CLSTN2: variants seen among roughly 807,000 people sequenced by gnomAD.
CLSTN2 encodes the protein calsyntenin-2.
Under a neutral mutation model 101.2 loss-of-function variants are expected in CLSTN2, and 48 were observed. The observed-to-expected ratio is 0.47, with a 90% CI of 0.38 to 0.60. The LOEUF (loss-of-function observed/expected upper bound fraction) is 0.60, where lower values mean the gene tolerates loss of function less well. Ranked by LOEUF, CLSTN2 falls within the 20% of genes least tolerant of loss-of-function variation. CLSTN2 has a pLI of 0.00. For missense variants in CLSTN2, 1,160 were observed against 1,238.2 expected (o/e 0.94, Z 0.95); for synonymous variants, 481 against 463.6 (o/e 1.04, Z -0.48).
At chr3:140,321,063 A>C (rs1324949390) in intron 2 of CLSTN2, among the ~76,000 whole-genome samples, 1 of 152,186 alleles carries the variant, frequency 6.6e-6, no homozygotes, top group Non-Finnish European at 1.5e-5. Context: ...GTATGGGCTG[A>C]AACTGACGGG....
At chr3:140,557,799 C>T (rs547677125) in intron 11 of CLSTN2, among the ~76,000 whole-genome samples, 4 of 152,334 alleles carry the variant, frequency 2.6e-5, no homozygotes, top group Admixed American at 6.5e-5. Context: ...TTGTAACCTA[C>T]ATCTAGATGA....
chr3:140,012,856 G>A (rs553339174), intron 1 of CLSTN2, among the ~76,000 whole-genome samples: 18 of 152,348 alleles, frequency 1.2e-4, no homozygotes, highest in Admixed American at 8.5e-4. Context: ...GGAAACTGAT[G>A]AGCCTGAAAT....
chr3:140,496,163 T>C (rs1934460566), intron 8 of CLSTN2, among the ~76,000 whole-genome samples: 1 of 152,222 alleles, frequency 6.6e-6, no homozygotes. Context: ...GTAGTTCTCC[T>C]TGAAGAGGTC....
chr3:140,105,273 G>A (rs1302138710), intron 1 of CLSTN2, among the ~76,000 whole-genome samples: 1 of 152,138 alleles, frequency 6.6e-6, no homozygotes, highest in Admixed American at 6.5e-5. Flanking sequence ...CTATGCTTAG[G>A]ACAGACTCTT....
intron 2 of CLSTN2, among the ~76,000 whole-genome samples, chr3:140,232,707 A>G (rs2086380977): frequency 6.6e-6 from 1 of 152,064 alleles, no homozygotes; most frequent in Admixed American, 6.6e-5. Flanking sequence ...TTACCCCCTT[A>G]TTGTATTTAA....
chr3:140,212,650 C>T (rs2010872232), intron 2 of CLSTN2, among the ~76,000 whole-genome samples: 1 of 152,192 alleles, frequency 6.6e-6, no homozygotes, highest in South Asian at 2.1e-4. Context: ...TCTGTATCCT[C>T]CTATATCTCT....
At chr3:140,131,304 GA>G (rs1218035360) in intron 1 of CLSTN2, among the ~76,000 whole-genome samples, 1 of 63,706 alleles carries the variant, frequency 1.6e-5, no homozygotes. Context: ...GTTTCTTTAT[GA>G]TTTTTTTTTA....
chr3:140,440,016 A>C (rs1176709335), intron 5 of CLSTN2, among the ~76,000 whole-genome samples: 1 of 152,262 alleles, frequency 6.6e-6, no homozygotes, highest in Admixed American at 6.5e-5. Context: ...GTGATGTACA[A>C]GTCATGCTCC....
intron 1 of CLSTN2, among the ~76,000 whole-genome samples, chr3:140,084,291 T>G (rs1020093200): frequency 6.6e-6 from 1 of 152,256 alleles, no homozygotes; most frequent in South Asian, 2.1e-4. Flanking sequence ...GGATTCAGGA[T>G]GTGACTATAT....
chr3:140,437,451 ATAT>A (rs1008721658), intron 5 of CLSTN2, among the ~76,000 whole-genome samples: 2 of 152,190 alleles, frequency 1.3e-5, no homozygotes, highest in Admixed American at 6.5e-5. Context: ...CCAGAAGAAA[ATAT>A]TATAATAACA....
At chr3:140,102,397 G>A (rs558696318) in intron 1 of CLSTN2, among the ~76,000 whole-genome samples, 1 of 152,364 alleles carries the variant, frequency 6.6e-6, no homozygotes, top group African/African-American at 2.4e-5. Flanking sequence ...GCAGCCAAAA[G>A]CTTGTGGTCA....
chr3:140,076,426 C>A (rs1052643254), intron 1 of CLSTN2, among the ~76,000 whole-genome samples: 2 of 152,078 alleles, frequency 1.3e-5, no homozygotes, highest in Non-Finnish European at 2.9e-5. Context: ...TCATTTTAGT[C>A]GCCACAAGAA....
At chr3:140,248,540 T>C (rs2086535440) in intron 2 of CLSTN2, among the ~76,000 whole-genome samples, 1 of 152,114 alleles carries the variant, frequency 6.6e-6, no homozygotes, top group African/African-American at 2.4e-5. Flanking sequence ...CTTCCAGCAA[T>C]GTGCACCTAG....
At chr3:140,248,641 C>A (rs2086537280) in intron 2 of CLSTN2, among the ~76,000 whole-genome samples, 1 of 152,204 alleles carries the variant, frequency 6.6e-6, no homozygotes, top group East Asian at 1.9e-4. Context: ...ATAACAGATC[C>A]ACAGGCGTGG....
intron 1 of CLSTN2, among the ~76,000 whole-genome samples, chr3:140,013,353 C>G (rs1482280278): frequency 6.6e-6 from 1 of 152,162 alleles, no homozygotes; most frequent in African/African-American, 2.4e-5. Context: ...CCTGTCCCAG[C>G]CACATGTGGT....
chr3:140,006,615 A>T (rs1172830567), intron 1 of CLSTN2, among the ~76,000 whole-genome samples: 1 of 152,180 alleles, frequency 6.6e-6, no homozygotes, highest in South Asian at 2.1e-4. Context: ...CTAGTCAAGC[A>T]TGGCTGTCTT....
At chr3:140,044,442 C>T (rs1161463917) in intron 1 of CLSTN2, among the ~76,000 whole-genome samples, 1 of 151,904 alleles carries the variant, frequency 6.6e-6, no homozygotes, top group Non-Finnish European at 1.5e-5. Flanking sequence ...GAGACGATGG[C>T]GTTTTCTAGA....
intron 2 of CLSTN2, among the ~76,000 whole-genome samples, chr3:140,368,255 G>A (rs746170561): frequency 3.3e-4 from 50 of 152,214 alleles, no homozygotes; most frequent in Non-Finnish European, 6.5e-4. Context: ...AGCACTCCAC[G>A]TGCTTTCCTG....
intron 1 of CLSTN2, among the ~76,000 whole-genome samples, chr3:140,086,102 T>C (rs375022593): frequency 6.6e-6 from 1 of 152,230 alleles, no homozygotes; most frequent in Non-Finnish European, 1.5e-5. Flanking sequence ...TTATGAATAT[T>C]TGGACATATT....
Sources: allele counts gnomAD v4.1 joint callset (sites outside exome capture counted in the v4.1 genomes callset), GRCh38; gene constraint gnomAD v4.1.1; transcripts MANE v1.5; gene names NCBI Gene and HGNC (gene_info 2026-07-23, HGNC 2026-07-21).